IPO11: variants seen among roughly 807,000 people sequenced by gnomAD.
The protein encoded by IPO11 is importin 11.
In IPO11, 66 loss-of-function variants were observed where a neutral mutation model predicts 143.2. The observed-to-expected ratio is 0.46, with a 90% CI of 0.38 to 0.57. The LOEUF is 0.57. Ranked by LOEUF, IPO11 falls within the 20% of genes least tolerant of loss-of-function variation. The pLI is 0.00. For missense variants in IPO11, 1,026 were observed against 1,141.0 expected (o/e 0.90, Z 1.45); for synonymous variants, 385 against 377.8 (o/e 1.02, Z -0.22).
chr5:62,477,736 G>A (rs939919564), intron 9 of IPO11, among the ~76,000 whole-genome samples: 1 of 152,176 alleles, frequency 6.6e-6, no homozygotes, highest in Admixed American at 6.5e-5. Context: ...AATTTAAAAA[G>A]CATTATTTAG....
intron 27 of IPO11, among the ~76,000 whole-genome samples, chr5:62,577,259 C>G (rs1313240822): frequency 6.6e-6 from 1 of 152,004 alleles, no homozygotes; most frequent in African/African-American, 2.4e-5. Context: ...AGTTTAGTTT[C>G]CTTCAGTTTT....
chr5:62,576,830 A>G (rs1301050461), intron 27 of IPO11, among the ~76,000 whole-genome samples: 3 of 152,258 alleles, frequency 2.0e-5, no homozygotes, highest in Admixed American at 6.5e-5. Flanking sequence ...AAAAGAGCTA[A>G]TGGAACAATT....
chr5:62,474,521 A>C, intron 8 of IPO11, 57 bp downstream of exon 8: 1 of 1,176,582 alleles, frequency 8.5e-7, no homozygotes, highest in Non-Finnish European at 1.2e-6. Context: ...TTAGTAGCTT[A>C]TTCATTCATT....
At chr5:62,531,715 A>C (rs994937486) in intron 22 of IPO11, among the ~76,000 whole-genome samples, 4 of 152,214 alleles carry the variant, frequency 2.6e-5, no homozygotes, top group Non-Finnish European at 4.4e-5. Context: ...CTGATTAAAA[A>C]ATCATTTTCT....
chr5:62,514,926 C>G (rs2112284782), intron 19 of IPO11, among the ~76,000 whole-genome samples: 1 of 152,162 alleles, frequency 6.6e-6, no homozygotes, highest in African/African-American at 2.4e-5. Context: ...TCCCCTTTTT[C>G]ATTGTAAGGG....
chr5:62,474,594 T>C (rs1745890844), intron 8 of IPO11, 130 bp downstream of exon 8: 3 of 677,084 alleles, frequency 4.4e-6, no homozygotes, highest in Non-Finnish European at 7.5e-6. Context: ...GTTGCACACT[T>C]ATAAATCTAG....
At chr5:62,554,877 G>A (rs888559189) in intron 26 of IPO11, among the ~76,000 whole-genome samples, 15 of 152,014 alleles carry the variant, frequency 9.9e-5, no homozygotes, top group Admixed American at 7.2e-4. Flanking sequence ...CACCATGTCT[G>A]GCTAATTTTT....
At chr5:62,525,599 G>T (rs1742345684) in intron 20 of IPO11, among the ~76,000 whole-genome samples, 1 of 152,162 alleles carries the variant, frequency 6.6e-6, no homozygotes, top group African/African-American at 2.4e-5. Flanking sequence ...GCCCAGGCTG[G>T]TCACCAACTC....
chr5:62,620,827 C>A (rs1419613443), intron 29 of IPO11, among the ~76,000 whole-genome samples: 3 of 152,182 alleles, frequency 2.0e-5, no homozygotes, highest in Non-Finnish European at 4.4e-5. Flanking sequence ...GCCATCATGG[C>A]CTGAAGCAGT....
intron 18 of IPO11, among the ~76,000 whole-genome samples, chr5:62,505,739 T>C (rs1741534069): frequency 6.6e-6 from 1 of 152,132 alleles, no homozygotes; most frequent in Non-Finnish European, 1.5e-5. Flanking sequence ...CTGCCATTTT[T>C]AGAATAACAA....
chr5:62,452,574 G>A (rs557509497), intron 5 of IPO11, among the ~76,000 whole-genome samples: 3 of 150,952 alleles, frequency 2.0e-5, no homozygotes, highest in African/African-American at 7.5e-5. Context: ...ACTGAAGGAT[G>A]TAGGGCAGAT....
At chr5:62,577,782 A>T (rs892216762) in intron 27 of IPO11, among the ~76,000 whole-genome samples, 1 of 152,116 alleles carries the variant, frequency 6.6e-6, no homozygotes, top group Non-Finnish European at 1.5e-5. Flanking sequence ...GACATAATTC[A>T]TATTATTTCT....
rs1470467593 is a variant in IPO11 at position 62,444,688 on chromosome 5, G to A, written c.239+1605G>A. 2.6e-5 allele frequency among the ~76,000 whole-genome samples: 4 copies of A among 152,020 alleles called. No homozygotes were observed. The East Asian group carries it at 7.8e-4, about 30-fold the overall frequency. ...GTTCGAGACCAGCCTGCCCAACATG[G>A]CGAAACCCCACCTCTTCTAAAAATA... On this transcript the variant is annotated intron_variant, in intron 3 of 29. Transcript: ENST00000325324.
At chr5:62,503,933 A>G (rs1352886464) in intron 16 of IPO11, among the ~76,000 whole-genome samples, 3 of 152,216 alleles carry the variant, frequency 2.0e-5, no homozygotes, top group Non-Finnish European at 4.4e-5. Flanking sequence ...TTTTAGATAT[A>G]TTATCTCACA....
chr5:62,481,325 C>A (rs560066031), intron 9 of IPO11, among the ~76,000 whole-genome samples: 31 of 152,210 alleles, frequency 2.0e-4, no homozygotes, highest in South Asian at 8.3e-4. Flanking sequence ...AGAGGGTATC[C>A]CTGTCTTGTG....
intron 16 of IPO11, among the ~76,000 whole-genome samples, chr5:62,502,208 T>A (rs1741369438): frequency 2.0e-5 from 3 of 152,206 alleles, no homozygotes; most frequent in Admixed American, 2.0e-4. Flanking sequence ...CTCTCCCAAT[T>A]TGGAATTGCC....
chr5:62,516,182 C>T (rs1254609067), intron 20 of IPO11, among the ~76,000 whole-genome samples: 1 of 152,206 alleles, frequency 6.6e-6, no homozygotes, highest in African/African-American at 2.4e-5. Context: ...TCCCTAAATT[C>T]AGAAGTACTG....
intron 29 of IPO11, among the ~76,000 whole-genome samples, chr5:62,610,989 C>G (rs1745908081): frequency 6.6e-6 from 1 of 152,294 alleles, no homozygotes; most frequent in East Asian, 1.9e-4. Context: ...TGCTCACATT[C>G]TACCTGCTTC....
chr5:62,586,764 AAAAAATATATATATATATATATAT>A, intron 27 of IPO11, among the ~76,000 whole-genome samples: 1 of 83,124 alleles, frequency 1.2e-5, no homozygotes, highest in Non-Finnish European at 2.4e-5. Flanking sequence ...AAAAAAAAAA[AAAAAATATATATATATATATATAT>A]ATATATATAT....
Sources: gnomAD v4.1 joint callset for allele counts (sites outside exome capture counted in the v4.1 genomes callset) on GRCh38, gnomAD v4.1.1 for gene constraint, MANE v1.5 for transcripts, NCBI Gene and HGNC (gene_info 2026-07-23, HGNC 2026-07-21) for gene names.